ARB2A: variants seen among roughly 807,000 people sequenced by gnomAD.
ARB2A encodes ARB2 cotranscriptional regulator A.
chr5:93,889,528 T>C, the ARB2A span, among the ~76,000 whole-genome samples: 1 of 151,862 alleles, frequency 6.6e-6, no homozygotes, highest in African/African-American at 2.4e-5. Context: ...CTCATTAAAA[T>C]GCAAAAATAT....
chr5:94,005,825 T>C, the ARB2A span, among the ~76,000 whole-genome samples: 1 of 152,074 alleles, frequency 6.6e-6, no homozygotes, highest in Non-Finnish European at 1.5e-5. Flanking sequence ...ATTCAAACCA[T>C]AATGAAATAT....
At chr5:93,974,021 C>T in the ARB2A span, among the ~76,000 whole-genome samples, 1 of 152,132 alleles carries the variant, frequency 6.6e-6, no homozygotes, top group Non-Finnish European at 1.5e-5. Flanking sequence ...GCTAACGACA[C>T]CACACAGGAA....
the ARB2A span, among the ~76,000 whole-genome samples, chr5:93,840,888 C>T: frequency 6.6e-6 from 1 of 152,090 alleles, no homozygotes; most frequent in Admixed American, 6.6e-5. Flanking sequence ...GTATTAAAGA[C>T]TAAACAAGTA....
At chr5:93,932,146 T>C in the ARB2A span, among the ~76,000 whole-genome samples, 1 of 152,218 alleles carries the variant, frequency 6.6e-6, no homozygotes. Flanking sequence ...ACGCTTCTAC[T>C]ATGTACATAC....
chr5:93,679,245 G>A, the ARB2A span, among the ~76,000 whole-genome samples: 1 of 151,856 alleles, frequency 6.6e-6, no homozygotes, highest in Non-Finnish European at 1.5e-5. Flanking sequence ...TGTATGAGAT[G>A]TGAGATGCTG....
At chr5:93,785,109 C>A in the ARB2A span, among the ~76,000 whole-genome samples, 1 of 152,212 alleles carries the variant, frequency 6.6e-6, no homozygotes. Flanking sequence ...CTATAGAATG[C>A]TATTTCTACA....
chr5:93,919,585 A>T, the ARB2A span, among the ~76,000 whole-genome samples: 1 of 152,204 alleles, frequency 6.6e-6, no homozygotes, highest in Admixed American at 6.5e-5. Context: ...TTTATAGCCC[A>T]AATGGTCGTT....
At chr5:93,759,977 G>C in the ARB2A span, among the ~76,000 whole-genome samples, 5 of 152,122 alleles carry the variant, frequency 3.3e-5, no homozygotes, top group African/African-American at 1.2e-4. Context: ...CTAACAATAC[G>C]AGTGTTTACC....
the ARB2A span, among the ~76,000 whole-genome samples, chr5:93,846,841 T>C: frequency 1.3e-5 from 2 of 152,132 alleles, no homozygotes; most frequent in Admixed American, 1.3e-4. Flanking sequence ...AGGGAGGTGG[T>C]TGCTGAAAGT....
chr5:93,702,731 T>C, the ARB2A span, among the ~76,000 whole-genome samples: 1 of 152,172 alleles, frequency 6.6e-6, no homozygotes, highest in South Asian at 2.1e-4. Flanking sequence ...GTCTCCTTCT[T>C]AATATGTTCC....
the ARB2A span, among the ~76,000 whole-genome samples, chr5:94,052,068 G>A: frequency 6.6e-6 from 1 of 152,058 alleles, no homozygotes. Flanking sequence ...TGATCCACCC[G>A]CCTCTGCCTC....
the ARB2A span, among the ~76,000 whole-genome samples, chr5:93,986,637 T>C: frequency 8.5e-5 from 13 of 152,250 alleles, no homozygotes; most frequent in Non-Finnish European, 1.9e-4. Context: ...TAGAAAGAAG[T>C]AGACATAGGA....
At chr5:93,705,337 A>G in the ARB2A span, among the ~76,000 whole-genome samples, 107 of 152,290 alleles carry the variant, frequency 7.0e-4, no homozygotes, top group Non-Finnish European at 1.3e-3. Context: ...AAATTCTCAA[A>G]CTTCCTGAAA....
chr5:93,748,785 T>C, the ARB2A span, among the ~76,000 whole-genome samples: 2 of 152,126 alleles, frequency 1.3e-5, no homozygotes, highest in African/African-American at 4.8e-5. Flanking sequence ...ACTAATTTTA[T>C]TTAGTACACT....
At chr5:94,041,276 A>G in the ARB2A span, among the ~76,000 whole-genome samples, 13 of 151,950 alleles carry the variant, frequency 8.6e-5, no homozygotes, top group Non-Finnish European at 1.5e-4. Flanking sequence ...ACACATTAGG[A>G]TAGAACATGA....
the ARB2A span, among the ~76,000 whole-genome samples, chr5:93,663,874 TA>T: frequency 6.6e-6 from 1 of 152,196 alleles, no homozygotes; most frequent in Non-Finnish European, 1.5e-5. Flanking sequence ...AATTTGTTTC[TA>T]AATATAATTT....
chr5:93,667,373 A>C, the ARB2A span, among the ~76,000 whole-genome samples: 1 of 152,178 alleles, frequency 6.6e-6, no homozygotes, highest in Admixed American at 6.5e-5. Context: ...CCATTTTTAC[A>C]TATCTACAAA....
the ARB2A span, among the ~76,000 whole-genome samples, chr5:93,886,930 T>G: frequency 6.6e-6 from 1 of 151,800 alleles, no homozygotes; most frequent in Non-Finnish European, 1.5e-5. Context: ...TGGACCAACA[T>G]AGATTATCCC....
chr5:94,028,923 T>G, the ARB2A span, among the ~76,000 whole-genome samples: 1 of 152,076 alleles, frequency 6.6e-6, no homozygotes, highest in African/African-American at 2.4e-5. Flanking sequence ...CCCCTAAAAG[T>G]ATAGGTATTT....
Sources: gnomAD v4.1 joint callset for allele counts (sites outside exome capture counted in the v4.1 genomes callset) on GRCh38, gnomAD v4.1.1 for gene constraint, MANE v1.5 for transcripts, NCBI Gene and HGNC (gene_info 2026-07-23, HGNC 2026-07-21) for gene names.